Variants in TET1 observed in about 807,000 individuals in gnomAD.
TET1 encodes the protein tet methylcytosine dioxygenase 1.
TET1 carries 13 observed loss-of-function variants against 148.7 expected under a neutral mutation model. The ratio of observed to expected loss-of-function variants is 0.09; its 90% CI spans 0.06 to 0.14. The LOEUF is 0.14. TET1 is among the 10% of genes least tolerant of loss of function. TET1 has a pLI of 1.00. For missense variants in TET1, 2,182 were observed against 2,553.8 expected (o/e 0.85, Z 3.14); for synonymous variants, 907 against 937.2 (o/e 0.97, Z 0.59).
intron 8 of TET1, among the ~76,000 whole-genome samples, chr10:68,676,736 A>T (rs745666977): frequency 8.5e-5 from 13 of 152,254 alleles, no homozygotes; most frequent in Non-Finnish European, 1.5e-4. Flanking sequence ...TTGAGGAAAC[A>T]TTAATCTTGT....
chr10:68,596,384 T>G (rs1421327951), intron 2 of TET1, among the ~76,000 whole-genome samples: 2 of 152,150 alleles, frequency 1.3e-5, no homozygotes, highest in Non-Finnish European at 2.9e-5. Flanking sequence ...CATGCTCAAG[T>G]CAAGTTCTAA....
chr10:68,660,231 T>TAA (rs1189111150), intron 6 of TET1, among the ~76,000 whole-genome samples: 1 of 152,166 alleles, frequency 6.6e-6, no homozygotes, highest in African/African-American at 2.4e-5. Context: ...TTTTTTGCTT[T>TAA]AAAAAAATAA....
chr10:68,560,990 C>T (rs1278843563), intron 1 of TET1, among the ~76,000 whole-genome samples: 4 of 152,168 alleles, frequency 2.6e-5, no homozygotes, highest in African/African-American at 9.7e-5. Flanking sequence ...CCACCCGCTC[C>T]GGAGGCCCCG....
In TET1 at chr10:68,629,368, AAATAAT is replaced by A. The variant is rs1356785318; in HGVS notation, c.1969-15320_1969-15315del. ...CGACAGAGAAAGATCTCGTCTCAAA[AAATAAT>A]AATAATAATTAAATAAAAATGTAGC... On this transcript the variant is annotated intron_variant, in intron 3 of 11. Transcript: ENST00000373644. Among the ~76,000 whole-genome samples, 9 of 151,978 alleles carry A rather than the reference AAATAAT, an allele frequency of 5.9e-5. No individual in the cohort carries two copies. In the East Asian group the frequency reaches 1.7e-3, roughly 29 times the overall value.
rs1439348762 is a variant in TET1 at position 68,694,357 on chromosome 10, T to C, written c.*2543T>C. The C allele has an allele frequency of 1.3e-5, 3 of 232,552 alleles. No individual in the cohort carries two copies. Among genetic ancestry groups the C allele is most frequent in the African/African-American group, 6.6e-5 (3 of 45,324 alleles). 14.4% of individuals were successfully genotyped at this position (232,552 alleles called of 1,614,324 possible). On this transcript the variant is annotated 3_prime_UTR_variant, in exon 12 of 12. Transcript: ENST00000373644. ...ATTTACCATCCCATTCTCTGCCCTG[T>C]GATTTTTTTTAAAAGCTTATTCAAT...
chr10:68,675,434 C>T (rs1040821839), intron 8 of TET1, among the ~76,000 whole-genome samples: 3 of 152,080 alleles, frequency 2.0e-5, no homozygotes, highest in African/African-American at 7.2e-5. Flanking sequence ...ATGATAAAAT[C>T]GTTGATGCCT....
At chr10:68,593,094 T>C (rs984426812) in intron 2 of TET1, among the ~76,000 whole-genome samples, 2 of 151,884 alleles carry the variant, frequency 1.3e-5, no homozygotes, top group African/African-American at 4.8e-5. Context: ...TACCTGGGCG[T>C]GGTGGCATGC....
chr10:68,632,529 T>C lies in TET1; in HGVS notation c.1969-12169T>C, dbSNP rs1008840025. 5.6e-6 allele frequency: 9 copies of C among 1,611,732 alleles called. No individual in the cohort carries two copies. In the African/African-American group the frequency reaches 1.2e-4, roughly 22 times the overall value. On this transcript the variant is annotated intron_variant, in intron 3 of 11. Transcript: ENST00000373644. ...GCTTTGGACATTTTTTGTTCACTAGTAGAATTAGAAGATCATGTGATGTTG... is the reference window on the plus strand; with the variant it reads ...GCTTTGGACATTTTTTGTTCACTAGCAGAATTAGAAGATCATGTGATGTTG...
intron 8 of TET1, among the ~76,000 whole-genome samples, chr10:68,677,061 GT>G (rs1185556601): frequency 2.0e-5 from 3 of 152,176 alleles, no homozygotes; most frequent in Non-Finnish European, 4.4e-5. Flanking sequence ...CATGGCAACA[GT>G]TTTTTTGGGA....
At chr10:68,667,491 C>A in intron 7 of TET1, among the ~76,000 whole-genome samples, 1 of 152,154 alleles carries the variant, frequency 6.6e-6, no homozygotes, top group East Asian at 1.9e-4. Flanking sequence ...TGCAGTGGCT[C>A]ATGCCTGTAA....
At chr10:68,641,389 G>T (rs1287556357) in intron 3 of TET1, among the ~76,000 whole-genome samples, 3 of 151,902 alleles carry the variant, frequency 2.0e-5, no homozygotes, top group Non-Finnish European at 2.9e-5. Context: ...TTATAGTTTT[G>T]AATTTCTATG....
chr10:68,625,950 T>A (rs1385818697), intron 3 of TET1, among the ~76,000 whole-genome samples: 2 of 151,590 alleles, frequency 1.3e-5, no homozygotes, highest in Non-Finnish European at 2.9e-5. Context: ...TGGCATGGTA[T>A]CTACATGCCT....
chr10:68,576,927 T>TG (rs2053737822), intron 2 of TET1, among the ~76,000 whole-genome samples: 3 of 151,260 alleles, frequency 2.0e-5, no homozygotes, highest in African/African-American at 7.3e-5. Flanking sequence ...TTTTTTTTTT[T>TG]TGAGAGAGTC....
At chr10:68,640,645 A>G (rs1216725815) in intron 3 of TET1, among the ~76,000 whole-genome samples, 5 of 124,140 alleles carry the variant, frequency 4.0e-5, no homozygotes, top group Non-Finnish European at 7.8e-5. Context: ...TCCGCTTCCC[A>G]GGTTCACGCC....
At chr10:68,690,612 G>C (rs924690273) in intron 11 of TET1, among the ~76,000 whole-genome samples, 196 bp from the exon 12 acceptor site, 3 of 152,142 alleles carry the variant, frequency 2.0e-5, no homozygotes, top group African/African-American at 7.2e-5. Flanking sequence ...AAAATTATTA[G>C]ATGAAAAATT....
intron 4 of TET1, among the ~76,000 whole-genome samples, chr10:68,647,782 G>A (rs1475223364): frequency 6.6e-6 from 1 of 152,110 alleles, no homozygotes; most frequent in African/African-American, 2.4e-5. Flanking sequence ...ATATATAGCT[G>A]GCAGTTGCCG....
At chr10:68,668,689 C>T (rs1479590973) in intron 7 of TET1, among the ~76,000 whole-genome samples, 1 of 152,166 alleles carries the variant, frequency 6.6e-6, no homozygotes, top group African/African-American at 2.4e-5. Context: ...AAGCGATTCT[C>T]CTGCCTCAGC....
intron 2 of TET1, 112 bp from the exon 3 acceptor site, chr10:68,600,869 G>T: frequency 1.2e-6 from 1 of 813,990 alleles, no homozygotes. Flanking sequence ...ACATGTTGAT[G>T]ATTTTAAATG....
At position 68,572,957 on chromosome 10, in the gene TET1, A is replaced by C. The variant is rs748355482; in HGVS notation, c.619A>C (p.Ser207Arg). 6.2e-7 allele frequency: 1 copy of C among 1,614,122 alleles called. No homozygotes were observed. The highest frequency in any genetic ancestry group is 8.5e-7 in the Non-Finnish European group (1 of 1,180,020). ...TTCCAAGATCAATATCCCTACCCAC[A>C]GTGGCCCTGCAGCTGAGATCCTTCC... is the stretch of plus-strand genomic sequence containing the variant. ...EDSKINIPTH[S>R]GPAAEILPGP... Residue 207 changes from serine (S) to arginine (R), a missense_variant, in exon 2 of 12, where the codon AGT (serine) becomes CGT (arginine). Physicochemically the swap from Ser to Arg is moderately radical, Grantham distance 110. This residue lies in a region of TET1 where 665 missense variants were observed against 672.4 expected (regional missense o/e 0.99). Coordinates refer to ENST00000373644, the MANE Select transcript of TET1 (RefSeq NM_030625.3).
Sources: allele counts gnomAD v4.1 joint callset (sites outside exome capture counted in the v4.1 genomes callset), GRCh38; gene constraint gnomAD v4.1.1; regional missense constraint gnomAD v4.1.1; transcripts MANE v1.5; gene names NCBI Gene and HGNC (gene_info 2026-07-23, HGNC 2026-07-21).